GOLGB1: variants seen among roughly 807,000 people sequenced by gnomAD.
The protein encoded by GOLGB1 is golgin B1, also known as golgin subfamily B member 1.
A neutral mutation model predicts 336.9 loss-of-function variants in GOLGB1; 174 were observed. That is an observed-to-expected ratio of 0.52 (90% CI 0.46 to 0.59). The LOEUF is 0.59. GOLGB1 is among the 20% of genes least tolerant of loss of function. GOLGB1 has a pLI of 0.00. For missense variants in GOLGB1, 3,331 were observed against 3,645.3 expected, an observed-to-expected ratio of 0.91 and a Z score of 2.22; for synonymous variants, 1,208 against 1,289.2, an observed-to-expected ratio of 0.94 and a Z score of 1.35.
Position 121,730,030 on chromosome 3 carries a change from A to G in GOLGB1, c.97-13T>C, listed in dbSNP as rs776980424. The stretch of plus-strand genomic sequence containing the variant: ...CTTGGTGTAATTCCTAATATTTAGG[A>G]AAAAAGTTGCCAGTGCACCAGGAAA... On this transcript the variant is annotated splice_polypyrimidine_tract_variant and intron_variant, in intron 2 of 21. Coordinates refer to ENST00000614479, the MANE Select transcript of GOLGB1 (RefSeq NM_001366282.2). The G allele has an allele frequency of 1.3e-6, 2 of 1,595,224 alleles. No homozygotes were observed. The highest frequency in any genetic ancestry group is 3.5e-5 in the Admixed American group (2 of 57,002).
At chr3:121,742,026 A>G (rs1366250097) in intron 1 of GOLGB1, among the ~76,000 whole-genome samples, 1 of 152,208 alleles carries the variant, frequency 6.6e-6, no homozygotes, top group Non-Finnish European at 1.5e-5. Flanking sequence ...ATTACAGCAC[A>G]CTGGGCCATA....
At chr3:121,668,906 A>G (rs1189376547) in intron 18 of GOLGB1, among the ~76,000 whole-genome samples, 1 of 151,984 alleles carries the variant, frequency 6.6e-6, no homozygotes, top group Non-Finnish European at 1.5e-5. Context: ...GTTTCCTACA[A>G]TTTTCTTATA....
In GOLGB1 at chr3:121,717,009, G is replaced by T; in HGVS notation, c.1016C>A (p.Ser339Tyr). 6.2e-6 allele frequency: 10 copies of T among 1,613,966 alleles called. No homozygotes were observed. Among genetic ancestry groups the T allele is most frequent in the Non-Finnish European group, 8.5e-6 (10 of 1,179,932 alleles). Reference protein sequence around the residue: ...MELEVAERKLSFHNLQEEMHH... With the variant: ...MELEVAERKLYFHNLQEEMHH... Reference sequence around the variant, plus strand: ...CATTTCTTCCTGCAGATTATGGAAGGATAATTTTCTCTCTGCCACTTCAAG... The same window carrying T: ...CATTTCTTCCTGCAGATTATGGAAGTATAATTTTCTCTCTGCCACTTCAAG... The change falls in exon 9 of 22, where the codon TCC becomes TAC. Residue 339 changes from serine (S) to tyrosine (Y), a missense_variant. Transcript: ENST00000614479.
intron 17 of GOLGB1, among the ~76,000 whole-genome samples, chr3:121,674,047 AG>A (rs1939974425): frequency 1.3e-5 from 2 of 152,130 alleles, no homozygotes; most frequent in Admixed American, 1.3e-4. Context: ...TTTCTTTTCC[AG>A]ATTGTTTGCT....
intron 17 of GOLGB1, among the ~76,000 whole-genome samples, chr3:121,671,405 C>A (rs979703336): frequency 2.0e-5 from 3 of 152,216 alleles, no homozygotes; most frequent in African/African-American, 7.2e-5. Context: ...GGACCCCCAA[C>A]TCCCAGTATA....
At position 121,693,883 on chromosome 3, in the gene GOLGB1, T is replaced by C; in HGVS notation, c.6640A>G (p.Lys2214Glu). ...TCACTAAACTTCCTCTCCCATTTCT[T>C]AGCTTCATCTATCACCCTGTCACGA... Reference protein sequence around the residue: ...DDRDRVIDEAKKWERKFSDAI... With the variant: ...DDRDRVIDEAEKWERKFSDAI... Residue 2214 changes from lysine to glutamate, a missense_variant, in exon 13 of 22, where the codon AAG becomes GAG. Lys to Glu is a moderately conservative substitution (Grantham distance 56, BLOSUM62 1). Transcript: ENST00000614479. 1 of 1,614,116 alleles carries C rather than the reference T, an allele frequency of 6.2e-7. No homozygotes were observed. Among genetic ancestry groups the C allele is most frequent in the Non-Finnish European group, 8.5e-7 (1 of 1,179,936 alleles).
chr3:121,720,890 CAA>C (rs1945145062), intron 6 of GOLGB1, among the ~76,000 whole-genome samples: 1 of 152,146 alleles, frequency 6.6e-6, no homozygotes, highest in African/African-American at 2.4e-5. Context: ...CCTTAACTGT[CAA>C]ACTCACAGTA....
At chr3:121,707,151 C>T (rs371703784) in intron 10 of GOLGB1, among the ~76,000 whole-genome samples, 5 of 143,364 alleles carry the variant, frequency 3.5e-5, no homozygotes, top group South Asian at 2.3e-4. Context: ...CACTTGAACC[C>T]GGGAGGCGGA....
intron 14 of GOLGB1, among the ~76,000 whole-genome samples, chr3:121,689,085 G>A (rs1464899235): frequency 2.0e-5 from 3 of 149,384 alleles, no homozygotes; most frequent in East Asian, 2.0e-4. Context: ...CCCCCCGCCC[G>A]GCCAGCCGCC....
In GOLGB1 at chr3:121,677,202, T is replaced by TAA. The variant is rs3835145; in HGVS notation, c.9039+81_9039+82dup. 5,099 of 1,132,320 alleles carry TAA rather than the reference T, an allele frequency of 4.5e-3. 1 individual carries two copies. The highest frequency in any genetic ancestry group is 0.016 in the East Asian group (595 of 37,608). 70.1% of individuals were successfully genotyped at this position (1,132,320 alleles called of 1,614,324 possible). A position where few individuals can be genotyped will look rare whatever the true frequency, so the allele number is the denominator to read the frequency against. Reference sequence around the variant, plus strand: ...AGCTGATGCTTTCTGGGTAGCGTCTTAAAAAAAAAACAAAACCCTGCAATC... The same window carrying TAA: ...AGCTGATGCTTTCTGGGTAGCGTCTTAAAAAAAAAAAACAAAACCCTGCAATC... On this transcript the variant is annotated intron_variant, in intron 16 of 21. Transcript: ENST00000614479.
At position 121,682,009 on chromosome 3, in the gene GOLGB1, AT is replaced by A. The variant is rs564145638; in HGVS notation, c.8695-145del. Reference sequence around the variant, plus strand: ...TCCACTGATGACATATCACTGCAACATAAGTCTCTAAAGTAGTGAAATACAT... The same window carrying A: ...TCCACTGATGACATATCACTGCAACAAAGTCTCTAAAGTAGTGAAATACAT... On this transcript the variant is annotated intron_variant, in intron 14 of 21. Transcript: ENST00000614479. 2.9e-5 allele frequency: 18 copies of A among 629,512 alleles called. No homozygotes were observed. The South Asian group carries it at 3.4e-4, about 12-fold the overall frequency. 39.0% of individuals were successfully genotyped at this position (629,512 alleles called of 1,614,324 possible).
Position 121,698,443 on chromosome 3 carries a change from A to T in GOLGB1, c.2080T>A (p.Leu694Ile). 18 of 1,613,900 alleles carry T rather than the reference A, an allele frequency of 1.1e-5. No homozygotes were observed. The highest frequency in any genetic ancestry group is 1.5e-5 in the Non-Finnish European group (18 of 1,179,898). ...GQCHQDELER[L>I]KSQILELELN... The stretch of plus-strand genomic sequence containing the variant: ...TCGAGCTCCAAAATTTGACTTTTTA[A>T]CCTTTCCAACTCATCCTGATGACAC... The change falls in exon 13 of 22, where the codon TTA (leucine) becomes ATA (isoleucine). Residue 694 changes from leucine (L) to isoleucine (I), a missense_variant. Physicochemically the swap from Leu to Ile is conservative, Grantham distance 5 (BLOSUM62 2). Transcript: ENST00000614479.
rs779205464 is a variant in GOLGB1 at position 121,690,837 on chromosome 3, T to A, written c.8527A>T (p.Met2843Leu). 1 of 1,608,848 alleles carries A rather than the reference T, an allele frequency of 6.2e-7. No homozygotes were observed. The highest frequency in any genetic ancestry group is 8.5e-7 in the Non-Finnish European group (1 of 1,176,018). ...YNQVQSFSKA[M>L]ASLQNERDHL... ...TCTCTCTCATTCTGCAGACTGGCCA[T>A]AGCCTTGGAAAAGGACTGCACTTGG... Residue 2843 changes from methionine (M) to leucine (L), a missense_variant, in exon 14 of 22, where the codon ATG (methionine) becomes TTG (leucine). Transcript: ENST00000614479.
At chr3:121,685,561 AT>A (rs1177139179) in intron 14 of GOLGB1, among the ~76,000 whole-genome samples, 24 of 151,716 alleles carry the variant, frequency 1.6e-4, no homozygotes, top group Admixed American at 1.2e-3. Flanking sequence ...AAATAAATAA[AT>A]AAATAAATAA....
chr3:121,668,441 G>A lies in GOLGB1; in HGVS notation c.9322-283C>T, dbSNP rs565059957. 137 of 200,090 alleles carry A rather than the reference G, an allele frequency of 6.8e-4. 1 individual carries two copies. Among genetic ancestry groups the A allele is most frequent in the Non-Finnish European group, 1.1e-3 (108 of 97,018 alleles). The allele number at this position is 200,090 out of a possible 1,614,324, so 12.4% of individuals were successfully genotyped here. A position where few individuals can be genotyped will look rare whatever the true frequency, so the allele number is the denominator to read the frequency against. On this transcript the variant is annotated intron_variant, in intron 18 of 21. Coordinates refer to ENST00000614479, the MANE Select transcript of GOLGB1 (RefSeq NM_001366282.2). ...TGTAATCCCAGCACTTTGGGAGGCC[G>A]AGGTGGGTGGATCACAAGATCAGGA...
intron 11 of GOLGB1, 141 bp from the exon 12 acceptor site, chr3:121,700,026 T>C (rs888751116): frequency 5.3e-6 from 3 of 571,194 alleles, no homozygotes; most frequent in African/African-American, 3.7e-5. Context: ...GAAAGCCTTA[T>C]TAAAGAAGTG....
chr3:121,737,496 C>CA, intron 1 of GOLGB1, among the ~76,000 whole-genome samples: 1 of 151,568 alleles, frequency 6.6e-6, no homozygotes, highest in East Asian at 1.9e-4. Context: ...ACTAAAAATA[C>CA]AAAAATTAGC....
intron 1 of GOLGB1, among the ~76,000 whole-genome samples, chr3:121,745,234 GA>G (rs1330818018): frequency 1.3e-5 from 2 of 151,274 alleles, no homozygotes; most frequent in African/African-American, 2.4e-5. Context: ...TAATAAAGGG[GA>G]AAATATTCAT....
At chr3:121,722,107 C>T (rs764592003) in intron 6 of GOLGB1, among the ~76,000 whole-genome samples, 155 bp downstream of exon 6, 1 of 152,198 alleles carries the variant, frequency 6.6e-6, no homozygotes, top group East Asian at 1.9e-4. Context: ...ATCTCCTAAT[C>T]TCTTCTACTA....
Sources: allele counts gnomAD v4.1 joint callset (sites outside exome capture counted in the v4.1 genomes callset), GRCh38; gene constraint gnomAD v4.1.1; transcripts MANE v1.5; gene names NCBI Gene and HGNC (gene_info 2026-07-23, HGNC 2026-07-21).